C8orf34: variants seen among roughly 807,000 people sequenced by gnomAD.
C8orf34 encodes the protein chromosome 8 open reading frame 34, also known as uncharacterized protein C8orf34.
In C8orf34, 65 loss-of-function variants were observed where a neutral mutation model predicts 68.3. The ratio of observed to expected loss-of-function variants is 0.95; its 90% CI spans 0.78 to 1.17. The LOEUF is 1.17. C8orf34 is among the 50% of genes most tolerant of loss of function. C8orf34 has a pLI of 0.00. For missense variants in C8orf34, 664 were observed against 655.4 expected, an observed-to-expected ratio of 1.01 and a Z score of -0.14; for synonymous variants, 244 against 241.2, an observed-to-expected ratio of 1.01 and a Z score of -0.11.
intron 10 of C8orf34, among the ~76,000 whole-genome samples, chr8:68,741,855 T>C (rs1003057008): frequency 2.0e-5 from 3 of 152,208 alleles, no homozygotes; most frequent in Non-Finnish European, 4.4e-5. Context: ...TACCACGTTT[T>C]CTTTATCCAT....
intron 8 of C8orf34, among the ~76,000 whole-genome samples, chr8:68,693,275 T>TAAGGAAG (rs1820734295): frequency 6.6e-6 from 1 of 152,070 alleles, no homozygotes; most frequent in Non-Finnish European, 1.5e-5. Flanking sequence ...GGAAAGTGAC[T>TAAGGAAG]AAGGAAGAAT....
At chr8:68,544,523 G>T (rs754806013) in intron 7 of C8orf34, among the ~76,000 whole-genome samples, 1 of 152,080 alleles carries the variant, frequency 6.6e-6, no homozygotes, top group African/African-American at 2.4e-5. Context: ...GACCACATAA[G>T]CCAGCATCCT....
intron 1 of C8orf34, among the ~76,000 whole-genome samples, chr8:68,399,069 T>C (rs1039803820): frequency 1.3e-5 from 2 of 152,196 alleles, no homozygotes; most frequent in African/African-American, 4.8e-5. Context: ...ATCCTATCTT[T>C]AATATTTTTC....
At chr8:68,664,184 A>T (rs1407210855) in intron 8 of C8orf34, among the ~76,000 whole-genome samples, 3 of 152,158 alleles carry the variant, frequency 2.0e-5, no homozygotes, top group Non-Finnish European at 4.4e-5. Context: ...TAAATCTTTA[A>T]CATAATATTG....
intron 8 of C8orf34, among the ~76,000 whole-genome samples, chr8:68,648,533 T>C (rs1278374827): frequency 6.6e-6 from 1 of 152,206 alleles, no homozygotes; most frequent in African/African-American, 2.4e-5. Context: ...AGTTAAATCT[T>C]GTTTGCGTGG....
Position 68,396,143 on chromosome 8 carries a change from A to C in C8orf34, c.328-43356A>C, listed in dbSNP as rs1808696641. On this transcript the variant is annotated intron_variant, in intron 1 of 13. Transcript: ENST00000518698. The stretch of plus-strand genomic sequence containing the variant: ...CATATTTTTTTCTCAACCCCTGCAC[A>C]CTGTGACCCCACCTCCAAACAATAG... Among the ~76,000 whole-genome samples, 12 of 152,114 alleles carry C rather than the reference A, an allele frequency of 7.9e-5. No homozygotes were observed. In the South Asian group the frequency reaches 2.5e-3, roughly 32 times the overall value.
rs538042333 is a variant in C8orf34 at position 68,392,593 on chromosome 8, A to G, written c.328-46906A>G. Among the ~76,000 whole-genome samples, 22 of 152,148 alleles carry G rather than the reference A, an allele frequency of 1.4e-4. No individual in the cohort carries two copies. In the South Asian group the frequency reaches 3.3e-3, roughly 23 times the overall value. Reference sequence around the variant, plus strand: ...TAGATACTACAGATAAAATTCTATTATAAAATAATTTTGCTTTCCAAATAA... The same window carrying G: ...TAGATACTACAGATAAAATTCTATTGTAAAATAATTTTGCTTTCCAAATAA... On this transcript the variant is annotated intron_variant, in intron 1 of 13. Transcript: ENST00000518698.
Position 68,640,487 on chromosome 8 carries a change from TGAAC to T in C8orf34, c.1218_1221del (p.Asn407SerfsTer45). 6.2e-7 allele frequency: 1 copy of T among 1,613,882 alleles called. No homozygotes were observed. The highest frequency in any genetic ancestry group is 8.5e-7 in the Non-Finnish European group (1 of 1,179,862). On this transcript the variant is annotated frameshift_variant, in exon 8 of 14. Transcript: ENST00000518698. LOFTEE classifies it high-confidence loss of function. ...GCTGAGCCTCAGGCCAAGGTCACACTGAACATCTGTTCAAGGTGTGCCAGGTAAA... is the reference window on the plus strand; with the variant it reads ...GCTGAGCCTCAGGCCAAGGTCACACTATCTGTTCAAGGTGTGCCAGGTAAA...
chr8:68,656,098 A>G (rs1819503212), intron 8 of C8orf34, among the ~76,000 whole-genome samples: 1 of 152,174 alleles, frequency 6.6e-6, no homozygotes, highest in South Asian at 2.1e-4. Flanking sequence ...CTCCTCTTCC[A>G]GGTTATGTGC....
chr8:68,471,145 C>T (rs1400567126), intron 4 of C8orf34, among the ~76,000 whole-genome samples: 3 of 152,074 alleles, frequency 2.0e-5, no homozygotes, highest in Non-Finnish European at 4.4e-5. Context: ...TAGTCAACTC[C>T]TATAGATATA....
At chr8:68,783,067 CAA>C (rs750669752) in intron 11 of C8orf34, among the ~76,000 whole-genome samples, 3 of 128,896 alleles carry the variant, frequency 2.3e-5, no homozygotes. Context: ...GAACATGTCT[CAA>C]AAAAAAAAAA....
intron 7 of C8orf34, among the ~76,000 whole-genome samples, chr8:68,621,865 T>C (rs1225447059): frequency 6.6e-6 from 1 of 152,224 alleles, no homozygotes; most frequent in African/African-American, 2.4e-5. Flanking sequence ...GTGTAATAAA[T>C]GATCATATAC....
chr8:68,461,107 G>T (rs531703682), intron 3 of C8orf34, among the ~76,000 whole-genome samples: 1 of 152,324 alleles, frequency 6.6e-6, no homozygotes, highest in East Asian at 1.9e-4. Flanking sequence ...GGAGCTGATG[G>T]AGCTGAAAGC....
At chr8:68,650,511 G>A (rs1480820941) in intron 8 of C8orf34, among the ~76,000 whole-genome samples, 5 of 132,598 alleles carry the variant, frequency 3.8e-5, no homozygotes, top group African/African-American at 5.9e-5. Context: ...ACGGAGTCTC[G>A]CTCTGTCGCC....
At chr8:68,580,094 A>G (rs1233319804) in intron 7 of C8orf34, among the ~76,000 whole-genome samples, 1 of 152,172 alleles carries the variant, frequency 6.6e-6, no homozygotes, top group African/African-American at 2.4e-5. Context: ...AATAAACATA[A>G]TGAGTAATAA....
At chr8:68,519,578 ATAT>A (rs1215100423) in intron 5 of C8orf34, among the ~76,000 whole-genome samples, 11,713 of 152,220 alleles carry the variant, frequency 0.077, 1,516 homozygotes, top group African/African-American at 0.27. Flanking sequence ...ATTTCATTCA[ATAT>A]AACCCTTGGC....
chr8:68,405,515 A>G (rs1809155734), intron 1 of C8orf34, among the ~76,000 whole-genome samples: 1 of 152,188 alleles, frequency 6.6e-6, no homozygotes, highest in South Asian at 2.1e-4. Flanking sequence ...CAGACAGCTC[A>G]TAGCTGTGGG....
chr8:68,605,993 A>G (rs114218995), intron 7 of C8orf34, among the ~76,000 whole-genome samples: 84 of 152,138 alleles, frequency 5.5e-4, no homozygotes, highest in African/African-American at 1.9e-3. Flanking sequence ...GAATCTCTGT[A>G]CTTTCTGCTC....
intron 5 of C8orf34, among the ~76,000 whole-genome samples, chr8:68,516,429 T>TG (rs1299045076): frequency 6.6e-6 from 1 of 152,106 alleles, no homozygotes; most frequent in Non-Finnish European, 1.5e-5. Flanking sequence ...TCACATAACT[T>TG]GGAGTATAAT....
Sources: gnomAD v4.1 joint callset for allele counts (sites outside exome capture counted in the v4.1 genomes callset) on GRCh38, gnomAD v4.1.1 for gene constraint, MANE v1.5 for transcripts, NCBI Gene and HGNC (gene_info 2026-07-23, HGNC 2026-07-21) for gene names.